Variants in SLIT1 observed in about 807,000 individuals in gnomAD.
SLIT1 encodes slit homolog 1 protein.
Under a neutral mutation model 186.1 loss-of-function variants are expected in SLIT1, and 66 were observed. The ratio of observed to expected loss-of-function variants is 0.35; its 90% confidence interval spans 0.29 to 0.44. The LOEUF is 0.44. Among genes scored for constraint, SLIT1 ranks in the 20% least tolerant of loss-of-function variants. The pLI, the probability that SLIT1 is intolerant of heterozygous loss-of-function variation, is 1.00. For synonymous variants in SLIT1, 761 were observed against 833.8 expected, an observed-to-expected ratio of 0.91 and a Z score of 1.50; for missense variants, 1,638 against 2,037.4, an observed-to-expected ratio of 0.80 and a Z score of 3.77.
chr10:97,002,382 G>T lies in SLIT1; in HGVS notation c.4155-13C>A. 1 of 1,577,316 alleles carries T rather than the reference G, an allele frequency of 6.3e-7. No individual in the cohort carries two copies. The highest frequency in any genetic ancestry group is 8.6e-7 in the Non-Finnish European group (1 of 1,161,942). ...CCCATGGACACACCTGGAGGAGACA[G>T]AGAAAAGGCGCTGTGAGGACAAACC... On this transcript the variant is annotated splice_polypyrimidine_tract_variant and intron_variant, in intron 35 of 36. Transcript: ENST00000266058.
At chr10:97,176,400 A>C (rs1850256375) in intron 1 of SLIT1, among the ~76,000 whole-genome samples, 4 of 149,770 alleles carry the variant, frequency 2.7e-5, no homozygotes, top group African/African-American at 4.9e-5. Context: ...AGCCCTCCCC[A>C]TTCCCACATT....
chr10:97,077,324 C>G lies in SLIT1; in HGVS notation c.414-11238G>C, dbSNP rs7098267. On this transcript the variant is annotated intron_variant, in intron 4 of 36. Transcript: ENST00000266058. ...TCCTGGGAGCTGCCTTTGCCACCTC[C>G]ACTAGGCTTGGCTGCGGTCCTTTGA... Among the ~76,000 whole-genome samples the G allele has an allele frequency of 6.9e-3, 1,049 of 152,204 alleles. 13 individuals are homozygous for G. Among genetic ancestry groups the G allele is most frequent in the African/African-American group, 0.024 (995 of 41,544 alleles).
chr10:97,164,883 T>G lies in SLIT1; in HGVS notation c.205A>C (p.Asn69His). ...TGGATCCGAGTGATGTTGTTGCCATTGAGTTCCCTGGAGGAAGAAGGAGAG... is the reference window on the plus strand; with the variant it reads ...TGGATCCGAGTGATGTTGTTGCCATGGAGTTCCCTGGAGGAAGAAGGAGAG... Reference protein sequence around the residue: ...IPRNTERLELNGNNITRIHKN... With the variant: ...IPRNTERLELHGNNITRIHKN... The change falls in exon 2 of 37, where the codon AAT (asparagine) becomes CAT (histidine). Residue 69 changes from asparagine (N) to histidine (H), a missense_variant. Coordinates refer to ENST00000266058, the MANE Select transcript of SLIT1 (RefSeq NM_003061.3). 6.2e-7 allele frequency: 1 copy of G among 1,612,934 alleles called. No homozygotes were observed. The highest frequency in any genetic ancestry group is 8.5e-7 in the Non-Finnish European group (1 of 1,179,082).
intron 1 of SLIT1, among the ~76,000 whole-genome samples, chr10:97,185,260 G>A (rs1850395440): frequency 1.3e-5 from 2 of 152,368 alleles, no homozygotes; most frequent in South Asian, 4.1e-4. Flanking sequence ...GACGGAAGCT[G>A]ACAACCCCGC....
intron 4 of SLIT1, among the ~76,000 whole-genome samples, chr10:97,113,077 A>C (rs1371013393): frequency 6.6e-6 from 1 of 152,230 alleles, no homozygotes; most frequent in Non-Finnish European, 1.5e-5. Flanking sequence ...CTTGGAAAGC[A>C]ATATCAAATT....
At chr10:97,119,822 T>A (rs1258110236) in intron 4 of SLIT1, among the ~76,000 whole-genome samples, 1 of 150,456 alleles carries the variant, frequency 6.6e-6, no homozygotes, top group Non-Finnish European at 1.5e-5. Context: ...TGCCCAATGT[T>A]GGCAGATTGG....
intron 4 of SLIT1, among the ~76,000 whole-genome samples, chr10:97,082,886 G>C (rs1470134767): frequency 2.0e-5 from 3 of 151,906 alleles, no homozygotes; most frequent in Admixed American, 6.6e-5. Flanking sequence ...ACCTGAAACT[G>C]CTCTAAAAAA....
At chr10:97,026,640 T>C (rs911952780) in intron 25 of SLIT1, among the ~76,000 whole-genome samples, 6 of 152,086 alleles carry the variant, frequency 3.9e-5, no homozygotes, top group Non-Finnish European at 7.4e-5. Flanking sequence ...CTACAGCAAA[T>C]GAGAGGCAAC....
intron 20 of SLIT1, among the ~76,000 whole-genome samples, chr10:97,041,163 T>A (rs1239388560): frequency 6.6e-6 from 1 of 152,174 alleles, no homozygotes. Flanking sequence ...GAAGCTGTTC[T>A]AGGGGAGAGT....
At chr10:97,166,693 C>T (rs1193581795) in intron 1 of SLIT1, among the ~76,000 whole-genome samples, 1 of 151,574 alleles carries the variant, frequency 6.6e-6, no homozygotes, top group Non-Finnish European at 1.5e-5. Flanking sequence ...AAAGAAAGAG[C>T]GAGCTTGATC....
At chr10:97,019,872 T>G (rs1161324963) in intron 26 of SLIT1, among the ~76,000 whole-genome samples, 2 of 152,144 alleles carry the variant, frequency 1.3e-5, no homozygotes, top group African/African-American at 4.8e-5. Flanking sequence ...TGAAGAGGCA[T>G]GAGCATGAAT....
At chr10:97,039,801 G>C (rs1455281590) in intron 21 of SLIT1, among the ~76,000 whole-genome samples, 187 bp downstream of exon 21, 2 of 152,248 alleles carry the variant, frequency 1.3e-5, no homozygotes, top group African/African-American at 4.8e-5. Flanking sequence ...GGGAGAATCA[G>C]AGAGAAGCTC....
chr10:97,060,898 A>G (rs779080064), intron 8 of SLIT1, 111 bp from the exon 9 acceptor site: 11 of 1,196,154 alleles, frequency 9.2e-6, no homozygotes, highest in Non-Finnish European at 1.3e-5. Flanking sequence ...TTCTCTCGAT[A>G]AGGATGAACC....
intron 4 of SLIT1, among the ~76,000 whole-genome samples, chr10:97,105,088 C>T (rs1351842445): frequency 6.6e-6 from 1 of 152,216 alleles, no homozygotes; most frequent in Admixed American, 6.5e-5. Flanking sequence ...CTGGCCGATA[C>T]TCAGCCAAGA....
chr10:97,135,157 G>T (rs1276193311), intron 4 of SLIT1, among the ~76,000 whole-genome samples: 1 of 152,216 alleles, frequency 6.6e-6, no homozygotes, highest in East Asian at 1.9e-4. Flanking sequence ...AGAGTCGAAG[G>T]CACGGGCTTC....
At chr10:97,066,516 C>G (rs1386677072) in intron 4 of SLIT1, among the ~76,000 whole-genome samples, 1 of 152,124 alleles carries the variant, frequency 6.6e-6, no homozygotes, top group African/African-American at 2.4e-5. Context: ...GCACTGATCC[C>G]TCCTGGCTTG....
At chr10:97,170,891 A>G (rs1276998022) in intron 1 of SLIT1, among the ~76,000 whole-genome samples, 1 of 151,312 alleles carries the variant, frequency 6.6e-6, no homozygotes, top group African/African-American at 2.4e-5. Context: ...GCAAGAATAA[A>G]CTCCCTGGGC....
intron 4 of SLIT1, among the ~76,000 whole-genome samples, chr10:97,134,190 T>C (rs1211588453): frequency 6.6e-6 from 1 of 151,976 alleles, no homozygotes; most frequent in Non-Finnish European, 1.5e-5. Flanking sequence ...GGGTGGGAGA[T>C]CATTAGCTCA....
chr10:97,063,391 C>T (rs532567966), intron 8 of SLIT1, 64 bp downstream of exon 8: 19 of 1,566,470 alleles, frequency 1.2e-5, no homozygotes, highest in African/African-American at 5.4e-5. Context: ...AGATTAGGGG[C>T]GGGAACAAGA....
Sources: gnomAD v4.1 joint callset for allele counts (sites outside exome capture counted in the v4.1 genomes callset) on GRCh38, gnomAD v4.1.1 for gene constraint, MANE v1.5 for transcripts, NCBI Gene and HGNC (gene_info 2026-07-23, HGNC 2026-07-21) for gene names.